The following RBFOX3 variants were observed in gnomAD, a reference collection of about 807,000 sequenced individuals.
The protein encoded by RBFOX3 is RNA binding protein fox-1 homolog 3.
RBFOX3 carries 17 observed loss-of-function variants against 48.7 expected under a neutral mutation model. The observed-to-expected ratio is 0.35, with a 90% CI of 0.24 to 0.52. The LOEUF is 0.52. Among genes scored for constraint, RBFOX3 ranks in the 20% least tolerant of loss-of-function variants. The probability of loss-of-function intolerance (pLI) is 0.94; values close to 1 mark genes in which losing one functional copy is unlikely to be tolerated. For missense variants in RBFOX3, 382 were observed against 497.5 expected (o/e 0.77, Z 2.21); for synonymous variants, 212 against 209.5 (o/e 1.01, Z -0.10).
chr17:79,250,328 A>T (rs796439987), intron 3 of RBFOX3, among the ~76,000 whole-genome samples: 5 of 152,330 alleles, frequency 3.3e-5, no homozygotes, highest in African/African-American at 1.2e-4. Context: ...AATAATAGAT[A>T]GTTGCTGTCT....
intron 9 of RBFOX3, chr17:79,097,952 G>A (rs2075704948): frequency 1.7e-6 from 1 of 594,268 alleles, no homozygotes; most frequent in Non-Finnish European, 3.1e-6. Flanking sequence ...TCTTCTGCCT[G>A]GGGGTCTGCT....
chr17:79,147,154 C>T (rs2043205366), intron 4 of RBFOX3, among the ~76,000 whole-genome samples: 1 of 152,230 alleles, frequency 6.6e-6, no homozygotes, highest in Admixed American at 6.5e-5. Context: ...TGCTCCCTTG[C>T]CCTCCCGTCC....
At chr17:79,134,524 G>A (rs1336246955) in intron 4 of RBFOX3, among the ~76,000 whole-genome samples, 1 of 152,208 alleles carries the variant, frequency 6.6e-6, no homozygotes, top group Non-Finnish European at 1.5e-5. Flanking sequence ...ACACAGTGAG[G>A]TCTGTGTTGC....
chr17:79,427,970 G>A (rs7224791), intron 2 of RBFOX3, among the ~76,000 whole-genome samples: 2,666 of 152,256 alleles, frequency 0.018, 79 homozygotes, highest in African/African-American at 0.061. Flanking sequence ...TGCTGGTTAC[G>A]GCTGGCACTT....
chr17:79,610,812 G>A lies in RBFOX3; in HGVS notation c.-320+14C>T, dbSNP rs1252849274. 6.6e-6 allele frequency among the ~76,000 whole-genome samples: 1 copy of A among 151,960 alleles called. No individual in the cohort carries two copies. Among genetic ancestry groups the A allele is most frequent in the Non-Finnish European group, 1.5e-5 (1 of 67,964 alleles). ...GCCGCAGAGCGAGGCGGGCGACGAG[G>A]CCAGGCTACTCACGGGCTCAGCGCT... On this transcript the variant is annotated intron_variant, in intron 1 of 14. Coordinates refer to ENST00000693108, the MANE Select transcript of RBFOX3 (RefSeq NM_001350451.2).
chr17:79,487,444 A>G (rs927248011), intron 1 of RBFOX3, among the ~76,000 whole-genome samples: 1 of 152,206 alleles, frequency 6.6e-6, no homozygotes, highest in African/African-American at 2.4e-5. Context: ...GCTAGGAAAG[A>G]ATGTGCTGAG....
chr17:79,582,878 G>A (rs940110472), intron 1 of RBFOX3, among the ~76,000 whole-genome samples: 2 of 150,172 alleles, frequency 1.3e-5, no homozygotes, highest in South Asian at 4.3e-4. Context: ...CATGGGATGT[G>A]TTTAGATGCT....
At chr17:79,110,260 G>T (rs575136691) in intron 5 of RBFOX3, among the ~76,000 whole-genome samples, 2 of 152,222 alleles carry the variant, frequency 1.3e-5, no homozygotes, top group South Asian at 4.1e-4. Flanking sequence ...CTCTGTCTTG[G>T]CCCGGCCATT....
chr17:79,240,879 T>G (rs2062258956), intron 3 of RBFOX3, among the ~76,000 whole-genome samples: 1 of 152,192 alleles, frequency 6.6e-6, no homozygotes, highest in Non-Finnish European at 1.5e-5. Context: ...TTAGCCAGGA[T>G]AGTCTTGATC....
intron 2 of RBFOX3, among the ~76,000 whole-genome samples, chr17:79,441,534 G>A (rs8070709): frequency 0.15 from 23,562 of 152,158 alleles, 2,055 homozygotes; most frequent in Non-Finnish European, 0.18. Context: ...CCCAGGGACA[G>A]CGGACAGCCC....
rs139060077 is a variant in RBFOX3, at chr17:79,547,356, G to A, written c.-320+63470C>T. On this transcript the variant is annotated intron_variant, in intron 1 of 14. Coordinates refer to ENST00000693108, the MANE Select transcript of RBFOX3 (RefSeq NM_001350451.2). ...TGTAATCCCAGCTACTCGGGAGGCCGAGGCAGGAGAATTGCTTGAATCCCA... is the reference window on the plus strand; with the variant it reads ...TGTAATCCCAGCTACTCGGGAGGCCAAGGCAGGAGAATTGCTTGAATCCCA... Among the ~76,000 whole-genome samples the A allele has an allele frequency of 3.5e-3, 530 of 152,308 alleles. 2 individuals are homozygous for A. The highest frequency in any genetic ancestry group is 0.011 in the African/African-American group (475 of 41,568).
At chr17:79,404,068 A>G (rs1032591326) in intron 2 of RBFOX3, among the ~76,000 whole-genome samples, 31 of 152,136 alleles carry the variant, frequency 2.0e-4, no homozygotes, top group Non-Finnish European at 8.8e-5. Flanking sequence ...GTGAACCACC[A>G]CACCCGGCCC....
intron 2 of RBFOX3, among the ~76,000 whole-genome samples, chr17:79,439,527 C>T (rs1224039447): frequency 6.6e-6 from 1 of 152,242 alleles, no homozygotes; most frequent in African/African-American, 2.4e-5. Context: ...GAGGTCTAGG[C>T]TGTTTTCCCT....
At chr17:79,474,120 G>GA (rs140445430) in intron 2 of RBFOX3, among the ~76,000 whole-genome samples, 21,960 of 142,038 alleles carry the variant, frequency 0.15, 1,919 homozygotes, top group Middle Eastern at 0.22. Flanking sequence ...TGTCAATGCA[G>GA]AAAAAAAAAA....
chr17:79,160,447 G>A (rs1180394909), intron 4 of RBFOX3, among the ~76,000 whole-genome samples: 1 of 152,192 alleles, frequency 6.6e-6, no homozygotes, highest in Non-Finnish European at 1.5e-5. Context: ...TACGGCCAAG[G>A]CCTAAGTTCT....
At chr17:79,163,541 A>G (rs911842968) in intron 4 of RBFOX3, among the ~76,000 whole-genome samples, 1 of 152,198 alleles carries the variant, frequency 6.6e-6, no homozygotes, top group Non-Finnish European at 1.5e-5. Context: ...GGCAACATAA[A>G]AAGTCAGGGA....
chr17:79,473,476 AGCCTGATGGATTTCC>A lies in RBFOX3; in HGVS notation c.-175+8963_-175+8977del, dbSNP rs1200692335. ...CTCACATGTGTCATTCAGGGACGTC[AGCCTGATGGATTTCC>A]AGGCCTTGCATACTGTTCTGGACAC... On this transcript the variant is annotated intron_variant, in intron 2 of 14. Coordinates refer to ENST00000693108, the MANE Select transcript of RBFOX3 (RefSeq NM_001350451.2). The surrounding 1 kb of genome is among the most constrained non-coding windows in gnomAD (Gnocchi z 4.2). 3.3e-5 allele frequency among the ~76,000 whole-genome samples: 5 copies of A among 152,254 alleles called. No homozygotes were observed. The highest frequency in any genetic ancestry group is 1.2e-4 in the African/African-American group (5 of 41,464).
At chr17:79,444,697 AT>A (rs1289531393) in intron 2 of RBFOX3, among the ~76,000 whole-genome samples, 1 of 152,052 alleles carries the variant, frequency 6.6e-6, no homozygotes, top group East Asian at 1.9e-4. Flanking sequence ...ATAAGCCCGC[AT>A]TTGCTCCAAA....
At chr17:79,273,790 A>G (rs61106314) in intron 3 of RBFOX3, among the ~76,000 whole-genome samples, 5,222 of 152,266 alleles carry the variant, frequency 0.034, 288 homozygotes, top group African/African-American at 0.12. Flanking sequence ...CGAGGACAGA[A>G]AGAGCTGGGC....
Sources: allele counts gnomAD v4.1 joint callset (sites outside exome capture counted in the v4.1 genomes callset), GRCh38; gene constraint gnomAD v4.1.1; non-coding constraint Gnocchi (gnomAD v3.1); transcripts MANE v1.5; gene names NCBI Gene and HGNC (gene_info 2026-07-23, HGNC 2026-07-21).